Variants in XPO7 observed in about 807,000 individuals in gnomAD.
XPO7 encodes exportin-7.
XPO7 carries 21 observed loss-of-function variants against 144.3 expected under a neutral mutation model. That is an observed-to-expected ratio of 0.15 (90% CI 0.10 to 0.21). XPO7 has a LOEUF of 0.21. XPO7 is among the 10% of genes least tolerant of loss of function. The probability of loss-of-function intolerance (pLI) is 1.00; values close to 1 mark genes in which losing one functional copy is unlikely to be tolerated. For missense variants in XPO7, 808 were observed against 1,325.8 expected (o/e 0.61, Z 6.06); for synonymous variants, 580 against 499.6 (o/e 1.16, Z -2.15).
chr8:21,955,884 G>A (rs1585438293), intron 1 of XPO7, among the ~76,000 whole-genome samples: 2 of 151,800 alleles, frequency 1.3e-5, no homozygotes, highest in East Asian at 3.9e-4. Flanking sequence ...GCCCACCACC[G>A]TGCCTGGCTA....
chr8:21,998,953 G>A, intron 22 of XPO7, 116 bp downstream of exon 22: 1 of 1,449,204 alleles, frequency 6.9e-7, no homozygotes, highest in Non-Finnish European at 9.6e-7. Context: ...CATTCGTATT[G>A]TATGCTAATA....
rs1811898373 is a variant in XPO7 at position 21,966,765 on chromosome 8, A to C, written c.19-92A>C. On this transcript the variant is annotated intron_variant, in intron 1 of 27. Coordinates refer to ENST00000252512, the MANE Select transcript of XPO7 (RefSeq NM_015024.5). ...TTCAGAAGCAATTCTTTCTTTACTG[A>C]TTATTATTTATCTTTGTTTATTAAT... is the stretch of plus-strand genomic sequence containing the variant. 10 of 1,490,230 alleles carry C rather than the reference A, an allele frequency of 6.7e-6. No homozygotes were observed. The African/African-American group carries it at 7.0e-5, about 10-fold the overall frequency. 92.3% of individuals were successfully genotyped at this position (1,490,230 alleles called of 1,614,324 possible).
chr8:21,951,463 A>G (rs541568767), intron 1 of XPO7, among the ~76,000 whole-genome samples: 5 of 152,114 alleles, frequency 3.3e-5, no homozygotes, highest in Non-Finnish European at 2.9e-5. Context: ...GTTTGGCACA[A>G]AGGTACTCAG....
chr8:21,920,431 G>T (rs1585407265), intron 1 of XPO7, among the ~76,000 whole-genome samples: 1 of 151,984 alleles, frequency 6.6e-6, no homozygotes, highest in Non-Finnish European at 1.5e-5. Context: ...CTCCCCTCGC[G>T]TCCCCCTAGC....
At chr8:21,946,496 C>T (rs1050118777) in intron 1 of XPO7, among the ~76,000 whole-genome samples, 2 of 144,376 alleles carry the variant, frequency 1.4e-5, no homozygotes, top group African/African-American at 2.5e-5. Context: ...ATGAAAACTG[C>T]AAGTGGTTAA....
intron 1 of XPO7, among the ~76,000 whole-genome samples, chr8:21,953,078 C>A (rs1340869423): frequency 7.5e-6 from 1 of 132,628 alleles, no homozygotes; most frequent in Non-Finnish European, 1.6e-5. Context: ...GGTATATTAA[C>A]AATTGATGGG....
chr8:21,935,056 A>T (rs1810778140), intron 1 of XPO7, among the ~76,000 whole-genome samples: 1 of 151,834 alleles, frequency 6.6e-6, no homozygotes, highest in Non-Finnish European at 1.5e-5. Context: ...GGACATTTGC[A>T]TTGTATGTAG....
At chr8:21,950,371 A>G (rs1811327026) in intron 1 of XPO7, among the ~76,000 whole-genome samples, 1 of 152,208 alleles carries the variant, frequency 6.6e-6, no homozygotes, top group Admixed American at 6.5e-5. Context: ...TCATTGGTGG[A>G]CTATTTCATA....
chr8:21,924,147 G>T (rs1300495061), intron 1 of XPO7, among the ~76,000 whole-genome samples: 1 of 152,146 alleles, frequency 6.6e-6, no homozygotes, highest in East Asian at 1.9e-4. Context: ...GTTCCTCACT[G>T]GCTGTTGTCT....
intron 16 of XPO7, among the ~76,000 whole-genome samples, chr8:21,989,393 C>G (rs1001624319): frequency 7.9e-5 from 12 of 152,134 alleles, no homozygotes; most frequent in Non-Finnish European, 4.4e-5. Context: ...TTTTAGTATC[C>G]GTAGTAGAGA....
chr8:21,936,389 G>T (rs1250387694), intron 1 of XPO7, among the ~76,000 whole-genome samples: 1 of 152,090 alleles, frequency 6.6e-6, no homozygotes, highest in Admixed American at 6.5e-5. Context: ...GTCTTGCCCA[G>T]TATCCATGTC....
intron 1 of XPO7, among the ~76,000 whole-genome samples, chr8:21,920,085 C>A: frequency 6.6e-6 from 1 of 151,966 alleles, no homozygotes. Context: ...TGTCTTCGTC[C>A]CCGGGGGAGG....
intron 8 of XPO7, among the ~76,000 whole-genome samples, chr8:21,979,510 C>T (rs1344514423): frequency 6.6e-6 from 1 of 151,072 alleles, no homozygotes; most frequent in Non-Finnish European, 1.5e-5. Context: ...CAGCTTCAAG[C>T]GATTCTCCTC....
chr8:21,990,788 ACTT>A lies in XPO7; in HGVS notation c.1933-19_1933-17del. 1 of 1,611,440 alleles carries A rather than the reference ACTT, an allele frequency of 6.2e-7. No individual in the cohort carries two copies. Among genetic ancestry groups the A allele is most frequent in the Non-Finnish European group, 8.5e-7 (1 of 1,177,960 alleles). ...CCTCTAACTCATGTTTTTACCTTTA[ACTT>A]CTTTTCTTTTTTTCAATAGAGCGAG... On this transcript the variant is annotated intron_variant, in intron 17 of 27. Coordinates refer to ENST00000252512, the MANE Select transcript of XPO7 (RefSeq NM_015024.5).
intron 1 of XPO7, among the ~76,000 whole-genome samples, chr8:21,944,747 C>G (rs546224862): frequency 3.3e-5 from 5 of 151,850 alleles, no homozygotes; most frequent in African/African-American, 1.2e-4. Flanking sequence ...TAGGCCCTGC[C>G]GCCTTCCGCC....
chr8:21,959,176 AT>A (rs1374788734), intron 1 of XPO7, among the ~76,000 whole-genome samples: 2 of 152,168 alleles, frequency 1.3e-5, no homozygotes. Flanking sequence ...TCAATTATAT[AT>A]TTGATCCCTG....
At chr8:21,920,887 C>G (rs972291391) in intron 1 of XPO7, among the ~76,000 whole-genome samples, 1 of 152,162 alleles carries the variant, frequency 6.6e-6, no homozygotes, top group African/African-American at 2.4e-5. Flanking sequence ...GAAGAATGAT[C>G]TCATTCTTAA....
At position 21,970,063 on chromosome 8, in the gene XPO7, G is replaced by C; in HGVS notation, c.260-81G>C. ...AAATTTATAATTTCTTGGCCATTTA[G>C]CATGTCTAAAGATATACACCCTTCT... On this transcript the variant is annotated intron_variant, in intron 3 of 27. Coordinates refer to ENST00000252512, the MANE Select transcript of XPO7 (RefSeq NM_015024.5). 2.1e-6 allele frequency: 3 copies of C among 1,451,712 alleles called. No individual in the cohort carries two copies. In the South Asian group the frequency reaches 4.2e-5, roughly 20 times the overall value. 89.9% of individuals were successfully genotyped at this position (1,451,712 alleles called of 1,614,324 possible).
intron 12 of XPO7, among the ~76,000 whole-genome samples, chr8:21,985,240 G>C (rs4872207): frequency 0.58 from 88,434 of 152,060 alleles, 26,370 homozygotes; most frequent in African/African-American, 0.73. Context: ...TAAATCAAGG[G>C]CCAGGGGAAA....
Sources: allele counts gnomAD v4.1 joint callset (sites outside exome capture counted in the v4.1 genomes callset), GRCh38; gene constraint gnomAD v4.1.1; transcripts MANE v1.5; gene names NCBI Gene and HGNC (gene_info 2026-07-23, HGNC 2026-07-21).